CHCHD6: variants seen among roughly 807,000 people sequenced by gnomAD.
CHCHD6 encodes coiled-coil-helix-coiled-coil-helix domain containing 6.
Under a neutral mutation model 32.3 loss-of-function variants are expected in CHCHD6, and 28 were observed. The observed-to-expected ratio is 0.87, with a 90% CI of 0.64 to 1.19. The LOEUF is 1.19. Ranked by LOEUF, CHCHD6 falls within the 50% of genes most tolerant of loss-of-function variation. The pLI is 0.00. For missense variants in CHCHD6, 333 were observed against 307.0 expected, an observed-to-expected ratio of 1.08 and a Z score of -0.63; for synonymous variants, 122 against 117.5, an observed-to-expected ratio of 1.04 and a Z score of -0.25.
At chr3:126,786,649 T>C (rs1938226707) in intron 4 of CHCHD6, among the ~76,000 whole-genome samples, 1 of 152,248 alleles carries the variant, frequency 6.6e-6, no homozygotes, top group African/African-American at 2.4e-5. Context: ...TCTGTTCATA[T>C]CCTTCGCCCA....
chr3:126,891,237 G>A (rs950201339), intron 5 of CHCHD6, among the ~76,000 whole-genome samples: 1 of 152,176 alleles, frequency 6.6e-6, no homozygotes, highest in African/African-American at 2.4e-5. Context: ...GGGCTGTGGA[G>A]CCTCCCTAAG....
At position 126,831,224 on chromosome 3, in the gene CHCHD6, A is replaced by G. The variant is rs1013706976; in HGVS notation, c.412-21423A>G. Among the ~76,000 whole-genome samples the G allele has an allele frequency of 3.3e-5, 5 of 151,996 alleles. No homozygotes were observed. In the South Asian group the frequency reaches 6.2e-4, roughly 19 times the overall value. On this transcript the variant is annotated intron_variant, in intron 4 of 7. Coordinates refer to ENST00000290913, the MANE Select transcript of CHCHD6 (RefSeq NM_032343.3). ...GTATTTTTAGTAGAGACAGGGTTTCACTGTGTTAGCCAGGATGGTCTCGAT... is the reference window on the plus strand; with the variant it reads ...GTATTTTTAGTAGAGACAGGGTTTCGCTGTGTTAGCCAGGATGGTCTCGAT...
chr3:126,890,486 G>T (rs2077741929), intron 5 of CHCHD6, among the ~76,000 whole-genome samples: 1 of 152,172 alleles, frequency 6.6e-6, no homozygotes, highest in Admixed American at 6.5e-5. Context: ...AACTGTGCCT[G>T]TACAGCCCCA....
chr3:126,847,827 C>T (rs1408333982), intron 4 of CHCHD6, among the ~76,000 whole-genome samples: 2 of 152,064 alleles, frequency 1.3e-5, no homozygotes, highest in Non-Finnish European at 2.9e-5. Flanking sequence ...ATCCTCTCAC[C>T]TGCCTTCTAC....
chr3:126,906,616 G>T (rs1165681082), intron 5 of CHCHD6, among the ~76,000 whole-genome samples: 2 of 152,310 alleles, frequency 1.3e-5, no homozygotes, highest in East Asian at 3.9e-4. Flanking sequence ...GTCAGCCGGG[G>T]GTCGGGGAGG....
At chr3:126,745,578 A>C (rs1195029265) in intron 4 of CHCHD6, among the ~76,000 whole-genome samples, 1 of 152,190 alleles carries the variant, frequency 6.6e-6, no homozygotes, top group Non-Finnish European at 1.5e-5. Flanking sequence ...ATTTTCCACC[A>C]TGGCAAAAAA....
chr3:126,945,606 G>A (rs1419291074), intron 6 of CHCHD6, among the ~76,000 whole-genome samples: 2 of 141,940 alleles, frequency 1.4e-5, no homozygotes, highest in African/African-American at 2.7e-5. Flanking sequence ...GGGGAGACTC[G>A]GTGTGGGGGA....
intron 6 of CHCHD6, among the ~76,000 whole-genome samples, chr3:126,942,717 T>C (rs886411464): frequency 6.6e-6 from 1 of 152,138 alleles, no homozygotes; most frequent in African/African-American, 2.4e-5. Flanking sequence ...ATTCCTTCTG[T>C]TGGAGGATGC....
At chr3:126,862,264 ACCTCCTCCTCCTCTACCATCACCACCT>A (rs1941937060) in intron 5 of CHCHD6, among the ~76,000 whole-genome samples, 2 of 118,596 alleles carry the variant, frequency 1.7e-5, no homozygotes, top group Non-Finnish European at 3.6e-5. Context: ...CTCCTCCATC[ACCTCCTCCTCCTCTACCATCACCACCT>A]CCTCCTCCTC....
chr3:126,757,738 A>G (rs1461646839), intron 4 of CHCHD6, among the ~76,000 whole-genome samples: 1 of 152,138 alleles, frequency 6.6e-6, no homozygotes, highest in Non-Finnish European at 1.5e-5. Context: ...ATTGTAAGAA[A>G]ACACAGCAGG....
Position 126,939,215 on chromosome 3 carries a change from A to G in CHCHD6, c.567-18201A>G, listed in dbSNP as rs72982816. 6.8e-3 allele frequency among the ~76,000 whole-genome samples: 1,029 copies of G among 152,274 alleles called. 8 individuals carry two copies. Among genetic ancestry groups the G allele is most frequent in the African/African-American group, 0.024 (982 of 41,554 alleles). On this transcript the variant is annotated intron_variant, in intron 6 of 7. Coordinates refer to ENST00000290913, the MANE Select transcript of CHCHD6 (RefSeq NM_032343.3). ...GAGGGAACACAGCTGGGACAGGATC[A>G]AGCAATAGGGTTTTGAGTGCCAGGG...
At chr3:126,749,730 T>C (rs1056939473) in intron 4 of CHCHD6, among the ~76,000 whole-genome samples, 1 of 152,150 alleles carries the variant, frequency 6.6e-6, no homozygotes, top group Admixed American at 6.5e-5. Flanking sequence ...GCCATGTGAG[T>C]GCATTCCCGT....
intron 6 of CHCHD6, among the ~76,000 whole-genome samples, chr3:126,941,185 C>T (rs983211833): frequency 7.9e-5 from 12 of 152,154 alleles, no homozygotes; most frequent in African/African-American, 2.2e-4. Flanking sequence ...TTCCAAATAG[C>T]CTCCCTAGGA....
At chr3:126,833,771 C>T (rs1002879109) in intron 4 of CHCHD6, among the ~76,000 whole-genome samples, 2 of 152,140 alleles carry the variant, frequency 1.3e-5, no homozygotes, top group African/African-American at 4.8e-5. Context: ...TTACCAATAA[C>T]GTGGCCGGGC....
intron 5 of CHCHD6, among the ~76,000 whole-genome samples, chr3:126,905,883 T>A (rs2077998188): frequency 6.6e-6 from 1 of 152,032 alleles, no homozygotes; most frequent in African/African-American, 2.4e-5. Flanking sequence ...GTTCACTACT[T>A]CAAGAACTGC....
intron 1 of CHCHD6, among the ~76,000 whole-genome samples, chr3:126,722,558 T>C (rs533219345): frequency 5.9e-5 from 9 of 152,238 alleles, no homozygotes; most frequent in South Asian, 2.1e-4. Context: ...ACTAATGATG[T>C]TGAGCATCTT....
At chr3:126,730,428 TG>T in intron 2 of CHCHD6, 132 bp from the exon 3 acceptor site, 1 of 699,362 alleles carries the variant, frequency 1.4e-6, no homozygotes, top group South Asian at 1.9e-5. Context: ...CGCTCCTTTG[TG>T]GGGACACATC....
At chr3:126,946,763 A>G (rs982594751) in intron 6 of CHCHD6, among the ~76,000 whole-genome samples, 5 of 152,164 alleles carry the variant, frequency 3.3e-5, no homozygotes, top group African/African-American at 1.2e-4. Flanking sequence ...GAACAGCTAG[A>G]TTGGACCTGA....
intron 4 of CHCHD6, among the ~76,000 whole-genome samples, chr3:126,745,520 G>T (rs1485271183): frequency 6.6e-6 from 1 of 152,166 alleles, no homozygotes; most frequent in Admixed American, 6.5e-5. Context: ...ACTAGGAGAG[G>T]AGCTACACGG....
Sources: allele counts gnomAD v4.1 joint callset (sites outside exome capture counted in the v4.1 genomes callset), GRCh38; gene constraint gnomAD v4.1.1; transcripts MANE v1.5; gene names NCBI Gene and HGNC (gene_info 2026-07-23, HGNC 2026-07-21).